NKAIN3: variants seen among roughly 807,000 people sequenced by gnomAD.
The protein encoded by NKAIN3 is sodium/potassium-transporting ATPase subunit beta-1-interacting protein 3.
NKAIN3 carries 25 observed loss-of-function variants against 30.2 expected under a neutral mutation model. The ratio of observed to expected loss-of-function variants is 0.83; its 90% CI spans 0.60 to 1.16. The LOEUF is 1.16. NKAIN3 is among the 50% of genes most tolerant of loss of function. The probability of loss-of-function intolerance (pLI) is 0.00; values close to 1 mark genes in which losing one functional copy is unlikely to be tolerated. For synonymous variants in NKAIN3, 91 were observed against 89.6 expected (o/e 1.02, Z -0.09); for missense variants, 225 against 254.1 (o/e 0.89, Z 0.78).
chr8:62,772,691 T>G (rs2130639206), intron 4 of NKAIN3, among the ~76,000 whole-genome samples: 1 of 151,190 alleles, frequency 6.6e-6, no homozygotes, highest in Admixed American at 6.6e-5. Context: ...AGATGGAGTC[T>G]TACTCCATCA....
intron 4 of NKAIN3, among the ~76,000 whole-genome samples, chr8:62,859,966 C>A (rs956256209): frequency 3.3e-5 from 5 of 152,134 alleles, no homozygotes; most frequent in Non-Finnish European, 1.5e-5. Flanking sequence ...ACATTTGTTG[C>A]CATTTTGCTT....
At chr8:62,824,511 C>T (rs1054714916) in intron 4 of NKAIN3, among the ~76,000 whole-genome samples, 1 of 151,632 alleles carries the variant, frequency 6.6e-6, no homozygotes, top group East Asian at 1.9e-4. Context: ...CACACACACA[C>T]ACACACACAC....
chr8:62,863,927 G>A, intron 4 of NKAIN3: 1 of 1,139,470 alleles, frequency 8.8e-7, no homozygotes. Context: ...GGCTCTGGTG[G>A]TGTGGGGTCT....
At chr8:62,788,413 C>T (rs922255073) in intron 4 of NKAIN3, among the ~76,000 whole-genome samples, 2 of 152,008 alleles carry the variant, frequency 1.3e-5, no homozygotes, top group Non-Finnish European at 2.9e-5. Flanking sequence ...TGTTGGAGTT[C>T]ATTGTAGATT....
chr8:62,729,451 G>A (rs981602213), intron 3 of NKAIN3, among the ~76,000 whole-genome samples: 4 of 152,166 alleles, frequency 2.6e-5, no homozygotes, highest in African/African-American at 9.7e-5. Flanking sequence ...TACTTTGGAA[G>A]ACAGTTTGGT....
rs189677833 is a variant in NKAIN3 at position 62,851,509 on chromosome 8, G to A, written c.472-66944G>A. Among the ~76,000 whole-genome samples the A allele has an allele frequency of 3.6e-3, 545 of 152,292 alleles. 5 individuals carry two copies. Among genetic ancestry groups the A allele is most frequent in the African/African-American group, 0.011 (462 of 41,548 alleles). ...CAACACTATTTTTAATAGGAGTGGT[G>A]AGAGAGGACATCCCCGTCTTGTGCC... On this transcript the variant is annotated intron_variant, in intron 4 of 6. Transcript: ENST00000623646.
At chr8:62,755,865 G>C (rs537756399) in intron 4 of NKAIN3, among the ~76,000 whole-genome samples, 4 of 152,272 alleles carry the variant, frequency 2.6e-5, no homozygotes, top group African/African-American at 9.6e-5. Context: ...AATATTGAGA[G>C]GGGTTTATGG....
chr8:62,446,339 G>A (rs1265976752), intron 1 of NKAIN3, among the ~76,000 whole-genome samples: 1 of 151,856 alleles, frequency 6.6e-6, no homozygotes, highest in Non-Finnish European at 1.5e-5. Context: ...CTTGACATAT[G>A]GCTGGTTTTT....
chr8:62,580,043 A>T (rs991244402), intron 2 of NKAIN3, among the ~76,000 whole-genome samples: 2 of 152,242 alleles, frequency 1.3e-5, no homozygotes, highest in African/African-American at 4.8e-5. Flanking sequence ...CATAACTTTC[A>T]GTGACATTTG....
intron 4 of NKAIN3, among the ~76,000 whole-genome samples, chr8:62,829,735 A>AGAT (rs1819135373): frequency 9.0e-6 from 1 of 110,770 alleles, no homozygotes; most frequent in Admixed American, 9.9e-5. Flanking sequence ...TTAACTAGAT[A>AGAT]GATAGATGAT....
intron 1 of NKAIN3, among the ~76,000 whole-genome samples, chr8:62,518,537 C>T (rs776327090): frequency 3.4e-4 from 51 of 151,994 alleles, no homozygotes; most frequent in Non-Finnish European, 2.2e-4. Context: ...GAACCGTTTC[C>T]GTGGTCCCCA....
intron 1 of NKAIN3, among the ~76,000 whole-genome samples, chr8:62,319,121 A>G (rs954934417): frequency 6.6e-6 from 1 of 152,218 alleles, no homozygotes; most frequent in Non-Finnish European, 1.5e-5. Context: ...TTATTTGTGT[A>G]GAGATGTTTA....
chr8:62,958,108 G>A (rs540569094), intron 6 of NKAIN3, among the ~76,000 whole-genome samples: 5 of 152,240 alleles, frequency 3.3e-5, no homozygotes, highest in South Asian at 2.1e-4. Flanking sequence ...TGGCTTGGCC[G>A]TTCTACAGAA....
chr8:62,441,414 A>G (rs921500535), intron 1 of NKAIN3, among the ~76,000 whole-genome samples: 1 of 151,916 alleles, frequency 6.6e-6, no homozygotes, highest in African/African-American at 2.4e-5. Context: ...TCAAGTTTTT[A>G]TATCTGTAAG....
chr8:62,670,953 T>C (rs1289271321), intron 3 of NKAIN3, among the ~76,000 whole-genome samples: 1 of 151,810 alleles, frequency 6.6e-6, no homozygotes, highest in Non-Finnish European at 1.5e-5. Flanking sequence ...GAGGTATCTG[T>C]TCCAGTCCTC....
chr8:62,348,222 A>T (rs1816069120), intron 1 of NKAIN3, among the ~76,000 whole-genome samples: 1 of 152,184 alleles, frequency 6.6e-6, no homozygotes, highest in Non-Finnish European at 1.5e-5. Context: ...AAAAGAATAT[A>T]GTGATCACTA....
intron 1 of NKAIN3, among the ~76,000 whole-genome samples, chr8:62,284,956 T>A (rs1198589312): frequency 6.6e-6 from 1 of 152,158 alleles, no homozygotes; most frequent in Non-Finnish European, 1.5e-5. Context: ...AGTTTTTAGA[T>A]TCTCTTTAGT....
intron 1 of NKAIN3, among the ~76,000 whole-genome samples, chr8:62,364,843 A>AAAAAAAAAAAAAAAAAAC (rs1816686047): frequency 6.6e-6 from 1 of 150,990 alleles, no homozygotes; most frequent in African/African-American, 2.4e-5. Context: ...AAAAAAAAAA[A>AAAAAAAAAAAAAAAAAAC]AAAAAAAATC....
At chr8:62,490,572 G>C (rs1807034853) in intron 1 of NKAIN3, among the ~76,000 whole-genome samples, 1 of 152,178 alleles carries the variant, frequency 6.6e-6, no homozygotes, top group African/African-American at 2.4e-5. Flanking sequence ...GTCTGGTAGA[G>C]AGGAAAGCTA....
Sources: gnomAD v4.1 joint callset for allele counts (sites outside exome capture counted in the v4.1 genomes callset) on GRCh38, gnomAD v4.1.1 for gene constraint, MANE v1.5 for transcripts, NCBI Gene and HGNC (gene_info 2026-07-23, HGNC 2026-07-21) for gene names.